Variants in KCNH7 observed in about 807,000 individuals in gnomAD.
The protein encoded by KCNH7 is potassium voltage-gated channel subfamily H member 7.
KCNH7 carries 49 observed loss-of-function variants against 120.8 expected under a neutral mutation model. That is an observed-to-expected ratio of 0.41 (90% confidence interval 0.32 to 0.51). KCNH7 has a LOEUF of 0.51. Ranked by LOEUF, KCNH7 falls within the 20% of genes least tolerant of loss-of-function variation. The pLI, the probability that KCNH7 is intolerant of heterozygous loss-of-function variation, is 0.38. For missense variants in KCNH7, 1,097 were observed against 1,446.6 expected (o/e 0.76, Z 3.92); for synonymous variants, 547 against 516.1 (o/e 1.06, Z -0.81).
chr2:162,655,742 G>A (rs541895344), intron 2 of KCNH7, among the ~76,000 whole-genome samples: 7 of 152,264 alleles, frequency 4.6e-5, no homozygotes, highest in South Asian at 4.1e-4. Context: ...GCAGTGAGCC[G>A]AGATGGTGCC....
chr2:162,491,681 G>A (rs1331591717), intron 6 of KCNH7, among the ~76,000 whole-genome samples: 3 of 152,146 alleles, frequency 2.0e-5, no homozygotes, highest in African/African-American at 4.8e-5. Context: ...GCACCCTGCC[G>A]AGGTTGCCAG....
intron 2 of KCNH7, among the ~76,000 whole-genome samples, chr2:162,745,381 G>C (rs981570777): frequency 2.6e-5 from 4 of 151,728 alleles, no homozygotes; most frequent in Non-Finnish European, 4.4e-5. Flanking sequence ...TTACCTGAAG[G>C]CTTTTTTTTT....
At chr2:162,645,834 G>A (rs1392842609) in intron 2 of KCNH7, among the ~76,000 whole-genome samples, 1 of 152,092 alleles carries the variant, frequency 6.6e-6, no homozygotes, top group African/African-American at 2.4e-5. Flanking sequence ...CCCAGAGAGT[G>A]TATGTTTTCC....
At chr2:162,540,926 G>A (rs1400750219) in intron 2 of KCNH7, among the ~76,000 whole-genome samples, 1 of 152,064 alleles carries the variant, frequency 6.6e-6, no homozygotes, top group Non-Finnish European at 1.5e-5. Context: ...GTTGCAGGTG[G>A]TAATGAGGGG....
chr2:162,731,048 T>G (rs1056384032), intron 2 of KCNH7, among the ~76,000 whole-genome samples: 1 of 151,606 alleles, frequency 6.6e-6, no homozygotes, highest in Non-Finnish European at 1.5e-5. Context: ...ATTTCTTAAA[T>G]GAGATGCAAA....
At chr2:162,569,508 G>GT in intron 2 of KCNH7, among the ~76,000 whole-genome samples, 1 of 142,006 alleles carries the variant, frequency 7.0e-6, no homozygotes, top group Non-Finnish European at 1.5e-5. Flanking sequence ...TTTTTGAAGG[G>GT]TTTTTTGTGT....
intron 2 of KCNH7, among the ~76,000 whole-genome samples, chr2:162,567,941 C>T (rs1023243140): frequency 6.6e-6 from 1 of 151,900 alleles, no homozygotes; most frequent in Non-Finnish European, 1.5e-5. Flanking sequence ...CAATTACATA[C>T]AGTATGCAGA....
intron 2 of KCNH7, among the ~76,000 whole-genome samples, chr2:162,774,423 C>G (rs1045674018): frequency 6.6e-6 from 1 of 152,058 alleles, no homozygotes; most frequent in Non-Finnish European, 1.5e-5. Context: ...GTTGCTTATG[C>G]AAAGAATTTC....
chr2:162,695,476 G>A (rs980626007), intron 2 of KCNH7, among the ~76,000 whole-genome samples: 2 of 152,112 alleles, frequency 1.3e-5, no homozygotes, highest in African/African-American at 4.8e-5. Flanking sequence ...ACTCCAAAAT[G>A]CAAGATTATA....
chr2:162,781,090 T>C (rs1298752565), intron 2 of KCNH7, among the ~76,000 whole-genome samples: 1 of 152,104 alleles, frequency 6.6e-6, no homozygotes, highest in African/African-American at 2.4e-5. Flanking sequence ...TTTTTAATTA[T>C]ATTTCTGAGG....
At chr2:162,676,834 A>C (rs1481233214) in intron 2 of KCNH7, among the ~76,000 whole-genome samples, 4 of 151,458 alleles carry the variant, frequency 2.6e-5, no homozygotes, top group South Asian at 4.1e-4. Context: ...TTGTGATAGA[A>C]TCATACTCAC....
At chr2:162,778,267 T>C (rs540396625) in intron 2 of KCNH7, among the ~76,000 whole-genome samples, 2 of 152,316 alleles carry the variant, frequency 1.3e-5, no homozygotes, top group South Asian at 2.1e-4. Context: ...ATATTATTTA[T>C]CTGATAAAGA....
intron 7 of KCNH7, among the ~76,000 whole-genome samples, chr2:162,441,999 CTTTTTTTTT>C (rs779418084): frequency 1.4e-3 from 58 of 41,570 alleles, no homozygotes; most frequent in Admixed American, 4.1e-3. Context: ...GTTAGGTCTT[CTTTTTTTTT>C]TTTTTTTTTT....
At chr2:162,614,127 G>A (rs751866844) in intron 2 of KCNH7, among the ~76,000 whole-genome samples, 2 of 151,986 alleles carry the variant, frequency 1.3e-5, no homozygotes, top group Non-Finnish European at 2.9e-5. Context: ...CTTTTCCAAA[G>A]TATGTAAACT....
Position 162,453,376 on chromosome 2 carries a change from G to T in KCNH7, c.1129-6933C>A, listed in dbSNP as rs530446570. 7.2e-5 allele frequency among the ~76,000 whole-genome samples: 11 copies of T among 152,274 alleles called. No homozygotes were observed. In the East Asian group the frequency reaches 2.1e-3, roughly 29 times the overall value. On this transcript the variant is annotated intron_variant, in intron 6 of 15. Transcript: ENST00000332142. ...TCCAGTCTATCATTGATGGGCATTTGTGTTGGTTCCAAGTCTTTGCTATTG... is the reference window on the plus strand; with the variant it reads ...TCCAGTCTATCATTGATGGGCATTTTTGTTGGTTCCAAGTCTTTGCTATTG...
chr2:162,794,398 T>C (rs1248647013), intron 2 of KCNH7, among the ~76,000 whole-genome samples: 1 of 152,126 alleles, frequency 6.6e-6, no homozygotes, highest in African/African-American at 2.4e-5. Context: ...ATAGGTGTGC[T>C]GCAGATGGCA....
chr2:162,593,981 G>A (rs1288973266), intron 2 of KCNH7, among the ~76,000 whole-genome samples: 1 of 151,904 alleles, frequency 6.6e-6, no homozygotes, highest in African/African-American at 2.4e-5. Context: ...TATAAAGGAT[G>A]GCATTAGTAA....
intron 2 of KCNH7, among the ~76,000 whole-genome samples, chr2:162,606,958 T>C (rs1345480644): frequency 6.6e-6 from 1 of 152,184 alleles, no homozygotes; most frequent in East Asian, 1.9e-4. Context: ...TAGTTGGGAA[T>C]GTTATATTAT....
At chr2:162,792,251 TG>T (rs1324175336) in intron 2 of KCNH7, among the ~76,000 whole-genome samples, 1 of 152,062 alleles carries the variant, frequency 6.6e-6, no homozygotes, top group Non-Finnish European at 1.5e-5. Flanking sequence ...TTTTCTTTTT[TG>T]TTGTATTTAT....
Sources: allele counts gnomAD v4.1 joint callset (sites outside exome capture counted in the v4.1 genomes callset), GRCh38; gene constraint gnomAD v4.1.1; transcripts MANE v1.5; gene names NCBI Gene and HGNC (gene_info 2026-07-23, HGNC 2026-07-21).